The following MSH3 variants were observed in gnomAD, a reference collection of about 807,000 sequenced individuals.
MSH3 encodes DNA mismatch repair protein Msh3.
In MSH3, 106 loss-of-function variants were observed where a neutral mutation model predicts 123.3. That is an observed-to-expected ratio of 0.86 (90% CI 0.73 to 1.01). MSH3 has a LOEUF of 1.01. Among genes scored for constraint, MSH3 ranks in the 50% least tolerant of loss-of-function variants. MSH3 has a pLI of 0.00. For missense variants in MSH3, 1,459 were observed against 1,347.6 expected (o/e 1.08, Z -1.29); for synonymous variants, 515 against 481.4 (o/e 1.07, Z -0.91).
intron 2 of MSH3, among the ~76,000 whole-genome samples, chr5:80,664,911 A>T (rs536545277): frequency 4.5e-4 from 68 of 152,130 alleles, no homozygotes; most frequent in Non-Finnish European, 7.7e-4. Context: ...AAGAAAAAAA[A>T]CCTCTACTAT....
chr5:80,809,139 C>G (rs1183790994), intron 19 of MSH3, among the ~76,000 whole-genome samples: 1 of 151,566 alleles, frequency 6.6e-6, no homozygotes, highest in African/African-American at 2.4e-5. Flanking sequence ...TTTATAGTTT[C>G]AAAGGAATTT....
intron 8 of MSH3, among the ~76,000 whole-genome samples, chr5:80,720,671 T>C (rs995184079): frequency 1.3e-5 from 2 of 152,206 alleles, no homozygotes; most frequent in African/African-American, 2.4e-5. Context: ...TATGGAGATA[T>C]CTAACATGAT....
chr5:80,692,967 A>G (rs1460114459), intron 8 of MSH3, among the ~76,000 whole-genome samples: 1 of 109,648 alleles, frequency 9.1e-6, no homozygotes, highest in Non-Finnish European at 1.9e-5. Context: ...GTTTAGATAA[A>G]TATACATGCA....
At chr5:80,707,099 T>C (rs1223579306) in intron 8 of MSH3, among the ~76,000 whole-genome samples, 1 of 152,248 alleles carries the variant, frequency 6.6e-6, no homozygotes, top group Non-Finnish European at 1.5e-5. Context: ...GTTTAGACTG[T>C]TTTAGAATTT....
At chr5:80,860,309 T>C (rs1745993960) in intron 21 of MSH3, among the ~76,000 whole-genome samples, 1 of 152,204 alleles carries the variant, frequency 6.6e-6, no homozygotes, top group Non-Finnish European at 1.5e-5. Flanking sequence ...TAAAGAACTT[T>C]CCTTAAACAT....
intron 8 of MSH3, among the ~76,000 whole-genome samples, chr5:80,721,143 C>G (rs982377847): frequency 6.6e-6 from 1 of 152,106 alleles, no homozygotes; most frequent in Non-Finnish European, 1.5e-5. Flanking sequence ...GGCTTGATTT[C>G]TTTCACAAAA....
chr5:80,796,816 G>A (rs1744706301), intron 19 of MSH3, among the ~76,000 whole-genome samples: 3 of 151,688 alleles, frequency 2.0e-5, no homozygotes, highest in South Asian at 2.1e-4. Flanking sequence ...TATAATCCAA[G>A]CATTTATACA....
At chr5:80,778,657 T>A (rs1744348601) in intron 16 of MSH3, 63 bp from the exon 17 acceptor site, 5 of 887,546 alleles carry the variant, frequency 5.6e-6, no homozygotes, top group Non-Finnish European at 9.7e-6. Context: ...TTTTCTAAAG[T>A]GATGGCATTT....
Position 80,761,219 on chromosome 5 carries a change from C to T in MSH3, c.1764-327C>T, listed in dbSNP as rs185340458. Among the ~76,000 whole-genome samples the T allele has an allele frequency of 3.9e-5, 6 of 152,244 alleles. No homozygotes were observed. The South Asian group carries it at 6.2e-4, about 16-fold the overall frequency. ...AAAAAGGGAAACAAAGACTCTCCAACAAGACAGAACGAGAATCTTGCTAGT... is the reference window on the plus strand; with the variant it reads ...AAAAAGGGAAACAAAGACTCTCCAATAAGACAGAACGAGAATCTTGCTAGT... On this transcript the variant is annotated intron_variant, in intron 12 of 23. Transcript: ENST00000265081.
chr5:80,789,026 A>G, intron 18 of MSH3, among the ~76,000 whole-genome samples: 1 of 152,114 alleles, frequency 6.6e-6, no homozygotes, highest in East Asian at 1.9e-4. Context: ...TTTTGTCATT[A>G]TATAATTTTG....
At chr5:80,712,019 G>A (rs1028756455) in intron 8 of MSH3, among the ~76,000 whole-genome samples, 6 of 152,156 alleles carry the variant, frequency 3.9e-5, no homozygotes, top group African/African-American at 1.4e-4. Context: ...CTGTTGGCTC[G>A]TAAGTGAAAA....
intron 8 of MSH3, among the ~76,000 whole-genome samples, chr5:80,709,392 G>T (rs2112843770): frequency 6.6e-6 from 1 of 152,336 alleles, no homozygotes; most frequent in African/African-American, 2.4e-5. Flanking sequence ...GGAGGCCAAG[G>T]TGGGCGGATC....
intron 8 of MSH3, among the ~76,000 whole-genome samples, chr5:80,712,266 CTT>C (rs1429514435): frequency 6.6e-6 from 1 of 152,134 alleles, no homozygotes; most frequent in Admixed American, 6.5e-5. Context: ...TCTTCTTTCT[CTT>C]TTCTAATATG....
chr5:80,813,411 A>G (rs1015487514), intron 19 of MSH3, among the ~76,000 whole-genome samples, 173 bp from the exon 20 acceptor site: 1 of 152,234 alleles, frequency 6.6e-6, no homozygotes, highest in Non-Finnish European at 1.5e-5. Flanking sequence ...CTAAGAATTC[A>G]CTTTTCTGCA....
In MSH3 at chr5:80,813,669, T is replaced by C. The variant is rs757861627; in HGVS notation, c.2741T>C (p.Ile914Thr). ...ATAAAACAAGTTGCATTGATTACCA[T>C]CATGGCTCAGATTGGCTCCTATGTT... ...SYIKQVALIT[I>T]MAQIGSYVPA... Residue 914 changes from isoleucine (I) to threonine (T), a missense_variant, in exon 20 of 24, where the codon ATC becomes ACC. Ile to Thr is a moderately conservative substitution (Grantham distance 89). Transcript: ENST00000265081. 3 of 1,614,044 alleles carry C rather than the reference T, an allele frequency of 1.9e-6. No homozygotes were observed. In the African/African-American group the frequency reaches 4.0e-5, roughly 22 times the overall value.
intron 8 of MSH3, among the ~76,000 whole-genome samples, chr5:80,690,480 G>A (rs1462114169): frequency 2.6e-5 from 4 of 151,918 alleles, no homozygotes; most frequent in African/African-American, 9.7e-5. Flanking sequence ...GCTAATTTTT[G>A]TATTTTTGTA....
intron 19 of MSH3, 37 bp from the exon 20 acceptor site, chr5:80,813,547 T>A: frequency 6.2e-7 from 1 of 1,611,936 alleles, no homozygotes; most frequent in Non-Finnish European, 8.5e-7. Flanking sequence ...CAAAAACTTT[T>A]CTGGTACAAT....
rs1351133532 is a variant in MSH3, at chr5:80,670,140, C to T, written c.623C>T (p.Thr208Ile). Reference sequence around the variant, plus strand: ...CTCAGTCAGTTTGGATCATCAAATACAAGTCATGAAAATTTACAGAAAACT... The same window carrying T: ...CTCAGTCAGTTTGGATCATCAAATATAAGTCATGAAAATTTACAGAAAACT... Reference protein sequence around the residue: ...FDLSQFGSSNTSHENLQKTAS... With the variant: ...FDLSQFGSSNISHENLQKTAS... Residue 208 changes from threonine to isoleucine, a missense_variant, in exon 4 of 24, where the codon ACA becomes ATA. By Grantham distance (89) the Thr-to-Ile change is moderately conservative. Transcript: ENST00000265081. The T allele has an allele frequency of 1.2e-6, 2 of 1,614,106 alleles. No homozygotes were observed. The highest frequency in any genetic ancestry group is 1.7e-6 in the Non-Finnish European group (2 of 1,180,000).
rs759128700 is a variant in MSH3 at position 80,656,480 on chromosome 5, A to C, written c.307A>C (p.Lys103Gln). The C allele has an allele frequency of 6.2e-7, 1 of 1,614,224 alleles. No homozygotes were observed. Among genetic ancestry groups the C allele is most frequent in the African/African-American group, 1.3e-5 (1 of 75,060 alleles). ...TGGGCCTGTTAAAAAGAAAGTAAAGAAAGTCCAACAAAAGGAAGGAGGAAG... is the reference window on the plus strand; with the variant it reads ...TGGGCCTGTTAAAAAGAAAGTAAAGCAAGTCCAACAAAAGGAAGGAGGAAG... ...NDGPVKKKVK[K>Q]VQQKEGGSDL... Residue 103 changes from lysine (K) to glutamine (Q), a missense_variant, in exon 2 of 24, where the codon AAA becomes CAA. By Grantham distance (53) the Lys-to-Gln change is moderately conservative. Coordinates refer to ENST00000265081, the MANE Select transcript of MSH3 (RefSeq NM_002439.5).
Sources: gnomAD v4.1 joint callset for allele counts (sites outside exome capture counted in the v4.1 genomes callset) on GRCh38, gnomAD v4.1.1 for gene constraint, MANE v1.5 for transcripts, NCBI Gene and HGNC (gene_info 2026-07-23, HGNC 2026-07-21) for gene names.